The following MBNL2 variants were observed in gnomAD, a reference collection of about 807,000 sequenced individuals.
MBNL2 encodes the protein muscleblind like splicing regulator 2, also known as muscleblind-like protein 2.
A neutral mutation model predicts 41.9 loss-of-function variants in MBNL2; 17 were observed. The ratio of observed to expected loss-of-function variants is 0.41; its 90% CI spans 0.28 to 0.61. MBNL2 has a LOEUF of 0.61. MBNL2 is among the 20% of genes least tolerant of loss of function. The pLI, the probability that MBNL2 is intolerant of heterozygous loss-of-function variation, is 0.35. For synonymous variants in MBNL2, 195 were observed against 182.9 expected (o/e 1.07, Z -0.53); for missense variants, 336 against 505.6 (o/e 0.66, Z 3.22).
rs1396301089 is a variant in MBNL2 at position 97,346,795 on chromosome 13, C to G, written c.541-9C>G. 1 of 1,612,936 alleles carries G rather than the reference C, an allele frequency of 6.2e-7. No individual in the cohort carries two copies. Among genetic ancestry groups the G allele is most frequent in the East Asian group, 2.2e-5 (1 of 44,854 alleles). On this transcript the variant is annotated splice_polypyrimidine_tract_variant and intron_variant, in intron 4 of 8. Transcript: ENST00000679496. The surrounding 1 kb of genome is among the most constrained non-coding windows in gnomAD (Gnocchi z 4.2). ...GCCTCTGCAGCGCGGCTCTTCTTCC[C>G]TGTCTTAGGTATGCAGGGAGTTCCA...
In MBNL2 at chr13:97,278,314, A is replaced by G. The variant is rs371405580; in HGVS notation, c.174+1905A>G. 4.0e-5 allele frequency among the ~76,000 whole-genome samples: 6 copies of G among 151,546 alleles called. No homozygotes were observed. In the East Asian group the frequency reaches 5.8e-4, roughly 15 times the overall value. ...TTAAAACTAGATCATAAAAGCTTCA[A>G]GATATGAAAACAGGTCAGTGATGAT... is the stretch of plus-strand genomic sequence containing the variant. On this transcript the variant is annotated intron_variant, in intron 2 of 8. Transcript: ENST00000679496.
rs1174910212 is a variant in MBNL2 at position 97,392,577 on chromosome 13, T to C, written c.*1128T>C. ...AGTACATACATATTATATATACACA[T>C]ACATATATATACTATATATGGATGA... On this transcript the variant is annotated 3_prime_UTR_variant, in exon 9 of 9. Transcript: ENST00000679496. The C allele has an allele frequency of 6.6e-6, 1 of 152,334 alleles. No individual in the cohort carries two copies. Among genetic ancestry groups the C allele is most frequent in the Non-Finnish European group, 1.5e-5 (1 of 67,948 alleles). The allele number at this position is 152,334 out of a possible 1,614,324, so 9.4% of individuals were successfully genotyped here.
At chr13:97,264,935 C>T (rs184543807) in intron 1 of MBNL2, among the ~76,000 whole-genome samples, 1 of 152,282 alleles carries the variant, frequency 6.6e-6, no homozygotes, top group Non-Finnish European at 1.5e-5. Flanking sequence ...TCCAGGAAAC[C>T]GGTAAGTGCA....
intron 2 of MBNL2, among the ~76,000 whole-genome samples, chr13:97,298,651 TG>T (rs767694834): frequency 6.6e-6 from 1 of 152,242 alleles, no homozygotes; most frequent in African/African-American, 2.4e-5. Flanking sequence ...ATCTCAGACC[TG>T]TTTATATTCC....
At chr13:97,227,850 C>T (rs753018562) in intron 1 of MBNL2, among the ~76,000 whole-genome samples, 1 of 152,184 alleles carries the variant, frequency 6.6e-6, no homozygotes, top group Non-Finnish European at 1.5e-5. Flanking sequence ...TTTGCTTTTT[C>T]AGCTCTGACT....
the MBNL2 span, among the ~76,000 whole-genome samples, chr13:97,195,016 T>A: frequency 1.3e-5 from 2 of 152,030 alleles, no homozygotes; most frequent in Admixed American, 6.5e-5. Context: ...GTGGCCATTC[T>A]TTTTTTTCTT....
Position 97,284,261 on chromosome 13 carries a change from G to A in MBNL2, c.174+7852G>A, listed in dbSNP as rs369998158. On this transcript the variant is annotated intron_variant, in intron 2 of 8. Transcript: ENST00000679496. ...GAAGTATAATACCTTTAAGGGCCAC[G>A]CTCCCTCTGAAGCCCCTGGGGTTGG... is the stretch of plus-strand genomic sequence containing the variant. Among the ~76,000 whole-genome samples, 17 of 152,222 alleles carry A rather than the reference G, an allele frequency of 1.1e-4. No homozygotes were observed. In the South Asian group the frequency reaches 1.7e-3, roughly 15 times the overall value.
chr13:97,365,757 A>G (rs2153121827), intron 8 of MBNL2, among the ~76,000 whole-genome samples: 1 of 152,354 alleles, frequency 6.6e-6, no homozygotes, highest in South Asian at 2.1e-4. Context: ...GTCCTCACAC[A>G]CATGAATGCC....
chr13:97,377,944 G>A (rs186553316), intron 8 of MBNL2, among the ~76,000 whole-genome samples: 2 of 152,268 alleles, frequency 1.3e-5, no homozygotes, highest in East Asian at 1.9e-4. Context: ...CTGCTTATGT[G>A]GAACTTATGT....
At chr13:97,247,337 A>G (rs1158269709) in intron 1 of MBNL2, among the ~76,000 whole-genome samples, 1 of 152,230 alleles carries the variant, frequency 6.6e-6, no homozygotes, top group Non-Finnish European at 1.5e-5. Flanking sequence ...TATAAAAACC[A>G]ACAGGGCACT....
chr13:97,288,572 G>A (rs932045586), intron 2 of MBNL2, among the ~76,000 whole-genome samples: 2 of 152,204 alleles, frequency 1.3e-5, no homozygotes, highest in African/African-American at 2.4e-5. Context: ...CAGCGGGCAT[G>A]CCCCTGGGAC....
chr13:97,292,278 C>T (rs1006513543), intron 2 of MBNL2, among the ~76,000 whole-genome samples: 13 of 151,988 alleles, frequency 8.6e-5, no homozygotes, highest in Non-Finnish European at 1.6e-4. Context: ...CTCTCCTGGC[C>T]CCATTTGCAC....
intron 2 of MBNL2, among the ~76,000 whole-genome samples, chr13:97,331,695 T>C (rs2153059996): frequency 6.6e-6 from 1 of 152,326 alleles, no homozygotes; most frequent in Non-Finnish European, 1.5e-5. Flanking sequence ...TAGGGATCAT[T>C]ACTGCTGTTA....
chr13:97,228,812 G>T (rs1180690051), intron 1 of MBNL2, among the ~76,000 whole-genome samples: 1 of 152,036 alleles, frequency 6.6e-6, no homozygotes, highest in African/African-American at 2.4e-5. Flanking sequence ...TTACAGGTGT[G>T]AGCCACTGTT....
At chr13:97,223,813 TAGACCCACTGTTTTTACTTTCA>T (rs2041169399) in intron 1 of MBNL2, among the ~76,000 whole-genome samples, 1 of 152,218 alleles carries the variant, frequency 6.6e-6, no homozygotes, top group African/African-American at 2.4e-5. Flanking sequence ...TAGATTCTTC[TAGACCCACTGTTTTTACTTTCA>T]AGGAGAAGTG....
chr13:97,302,906 A>G (rs2057768900), intron 2 of MBNL2, among the ~76,000 whole-genome samples: 1 of 152,234 alleles, frequency 6.6e-6, no homozygotes, highest in Admixed American at 6.5e-5. Context: ...CGGCTGTGCC[A>G]CCAATCCCTA....
chr13:97,383,725 T>C (rs1018736472), intron 8 of MBNL2, among the ~76,000 whole-genome samples: 3 of 152,124 alleles, frequency 2.0e-5, no homozygotes, highest in Admixed American at 2.0e-4. Context: ...TGATAATTTT[T>C]CCCCAGGACC....
intron 2 of MBNL2, among the ~76,000 whole-genome samples, chr13:97,291,306 G>T (rs2055907629): frequency 6.6e-6 from 1 of 151,936 alleles, no homozygotes; most frequent in African/African-American, 2.4e-5. Flanking sequence ...CAGTGGTGCA[G>T]TCTTGGCTCA....
At position 97,366,176 on chromosome 13, in the gene MBNL2, A is replaced by C. The variant is rs2063826826; in HGVS notation, c.1048+1005A>C. Among the ~76,000 whole-genome samples, 1 of 152,220 alleles carries C rather than the reference A, an allele frequency of 6.6e-6. No homozygotes were observed. The highest frequency in any genetic ancestry group is 1.5e-5 in the Non-Finnish European group (1 of 68,030). On this transcript the variant is annotated intron_variant, in intron 8 of 8. Transcript: ENST00000679496. This position sits in a 1 kb window ranked among gnomAD's most constrained non-coding sequence, Gnocchi z 4.7. ...GAATTGGGAATGGATCTATTGTTAG[A>C]AATAAAATGTTTATAAATACATCAA...
Sources: allele counts gnomAD v4.1 joint callset (sites outside exome capture counted in the v4.1 genomes callset), GRCh38; gene constraint gnomAD v4.1.1; non-coding constraint Gnocchi (gnomAD v3.1); transcripts MANE v1.5; gene names NCBI Gene and HGNC (gene_info 2026-07-23, HGNC 2026-07-21).